The following EDNRA variants were observed in gnomAD, a reference collection of about 807,000 sequenced individuals.
The protein encoded by EDNRA is endothelin-1 receptor.
Under a neutral mutation model 41.4 loss-of-function variants are expected in EDNRA, and 11 were observed. The observed-to-expected ratio is 0.27, with a 90% confidence interval of 0.17 to 0.44. The LOEUF is 0.44. EDNRA is among the 20% of genes least tolerant of loss of function. The pLI is 1.00. For synonymous variants in EDNRA, 172 were observed against 183.0 expected (o/e 0.94, Z 0.49); for missense variants, 294 against 531.0 (o/e 0.55, Z 4.39).
Position 147,532,599 on chromosome 4 carries a change from T to C in EDNRA, c.642T>C (p.Phe214=), listed in dbSNP as rs2126474654. 6.2e-7 allele frequency: 1 copy of C among 1,614,194 alleles called. No homozygotes were observed. The highest frequency in any genetic ancestry group is 8.5e-7 in the Non-Finnish European group (1 of 1,180,024). Residue 214 remains phenylalanine (F), a synonymous_variant, in exon 4 of 8, where the codon TTT becomes TTC. Transcript: ENST00000651419. ...TTGTCTCCATCTGGATCCTGTCCTT[T>C]ATCCTGGCCATTCCTGAAGCGATTG... is the stretch of plus-strand genomic sequence containing the variant. The part of the protein sequence containing the change: ...IEIVSIWILS[F]ILAIPEAIGF...
intron 2 of EDNRA, chr4:147,487,840 G>C (rs1356566970): frequency 2.6e-5 from 4 of 152,146 alleles, no homozygotes; most frequent in Non-Finnish European, 1.5e-5. Flanking sequence ...CTTAAAATAG[G>C]AATTTAGAAC....
At chr4:147,483,596 G>A (rs1399509655) in intron 1 of EDNRA, among the ~76,000 whole-genome samples, 2 of 151,990 alleles carry the variant, frequency 1.3e-5, no homozygotes, top group East Asian at 1.9e-4. Context: ...TTTTATCCAC[G>A]TATTGGCCAA....
Position 147,543,090 on chromosome 4 carries a change from T to G in EDNRA, c.*472T>G, listed in dbSNP as rs200797912. The stretch of plus-strand genomic sequence containing the variant: ...CAAACACAATATGGGCTCAAGTCAC[T>G]TTTATTTGAAATGTCATTTGGTGCC... On this transcript the variant is annotated 3_prime_UTR_variant, in exon 8 of 8. Transcript: ENST00000651419. The G allele has an allele frequency of 4.6e-5, 7 of 152,394 alleles. No individual in the cohort carries two copies. Among genetic ancestry groups the G allele is most frequent in the African/African-American group, 1.7e-4 (7 of 41,448 alleles). 9.4% of individuals were successfully genotyped at this position (152,394 alleles called of 1,614,324 possible). A position where few individuals can be genotyped will look rare whatever the true frequency, so the allele number is the denominator to read the frequency against.
intron 2 of EDNRA, chr4:147,489,276 G>T (rs1429096519): frequency 6.6e-6 from 1 of 152,052 alleles, no homozygotes; most frequent in Non-Finnish European, 1.5e-5. Flanking sequence ...AATATACATT[G>T]TACCCACTAT....
intron 7 of EDNRA, among the ~76,000 whole-genome samples, chr4:147,541,868 A>G (rs760739053): frequency 1.2e-4 from 19 of 152,214 alleles, no homozygotes; most frequent in Admixed American, 1.0e-3. Context: ...ATTAATTTAC[A>G]TATTCATTGG....
intron 2 of EDNRA, among the ~76,000 whole-genome samples, chr4:147,499,705 G>A (rs187894145): frequency 2.8e-3 from 411 of 149,438 alleles, no homozygotes; most frequent in Non-Finnish European, 4.5e-3. Context: ...TTATGTTTCA[G>A]TTAAGAAAAA....
chr4:147,528,357 C>CTTTTT (rs755450847), intron 3 of EDNRA, among the ~76,000 whole-genome samples: 5 of 119,466 alleles, frequency 4.2e-5, no homozygotes, highest in Non-Finnish European at 8.5e-5. Context: ...TTCTTGCTTT[C>CTTTTT]TTTTTTTTTT....
chr4:147,535,794 C>A, intron 4 of EDNRA, 83 bp from the exon 5 acceptor site: 2 of 1,541,766 alleles, frequency 1.3e-6, no homozygotes, highest in Admixed American at 1.9e-5. Flanking sequence ...AGTTTAAAGA[C>A]CTTAAAGCTA....
intron 3 of EDNRA, among the ~76,000 whole-genome samples, chr4:147,524,419 G>T (rs182950874): frequency 4.1e-4 from 62 of 151,716 alleles, no homozygotes; most frequent in Non-Finnish European, 1.9e-4. Flanking sequence ...TGAAGAAAAA[G>T]AAATAAGATG....
In EDNRA at chr4:147,519,472, C is replaced by T. The variant is rs923559339; in HGVS notation, c.421-379C>T. ...TTACTACTGTTTGAAAAGTAGGCAG[C>T]GTGACTAGTTGATGTGAGATCAAAG... On this transcript the variant is annotated intron_variant, in intron 2 of 7. Transcript: ENST00000651419. The surrounding 1 kb of genome is among the most constrained non-coding windows in gnomAD (Gnocchi z 4.1). Among the ~76,000 whole-genome samples the T allele has an allele frequency of 1.3e-5, 2 of 151,588 alleles. No individual in the cohort carries two copies. The highest frequency in any genetic ancestry group is 2.1e-4 in the South Asian group (1 of 4,826).
chr4:147,484,815 T>G (rs1281924735), intron 1 of EDNRA, among the ~76,000 whole-genome samples: 1 of 152,240 alleles, frequency 6.6e-6, no homozygotes, highest in Non-Finnish European at 1.5e-5. Context: ...ATTTTACACA[T>G]TAATCATCAA....
intron 4 of EDNRA, among the ~76,000 whole-genome samples, chr4:147,534,791 A>G (rs1308646313): frequency 2.0e-5 from 3 of 152,116 alleles, no homozygotes; most frequent in Non-Finnish European, 4.4e-5. Flanking sequence ...TATGTATTTT[A>G]TTTTATGCAT....
chr4:147,513,127 C>T (rs575178899), intron 2 of EDNRA, among the ~76,000 whole-genome samples: 1 of 152,248 alleles, frequency 6.6e-6, no homozygotes, highest in South Asian at 2.1e-4. Flanking sequence ...CCAAGGAATC[C>T]AGCTTCAGGG....
chr4:147,526,710 C>T (rs546311696), intron 3 of EDNRA, among the ~76,000 whole-genome samples: 22 of 152,270 alleles, frequency 1.4e-4, no homozygotes, highest in Non-Finnish European at 2.8e-4. Context: ...CTTAGGAGGC[C>T]GAAGCAGGAG....
At chr4:147,523,494 T>TG (rs1730409408) in intron 3 of EDNRA, among the ~76,000 whole-genome samples, 5 of 136,160 alleles carry the variant, frequency 3.7e-5, no homozygotes, top group African/African-American at 1.7e-4. Flanking sequence ...TTTTGTTTTT[T>TG]TTGTTTTTTT....
intron 5 of EDNRA, 35 bp from the exon 6 acceptor site, chr4:147,539,782 A>G: frequency 6.3e-7 from 1 of 1,596,962 alleles, no homozygotes; most frequent in Non-Finnish European, 8.5e-7. Flanking sequence ...AAAACACTAA[A>G]TTTGTTGTCC....
intron 2 of EDNRA, chr4:147,491,423 G>A (rs1405570563): frequency 1.3e-5 from 2 of 152,082 alleles, no homozygotes; most frequent in African/African-American, 4.8e-5. Flanking sequence ...AAAATAAATT[G>A]TCACAACTTA....
In EDNRA at chr4:147,542,537, C is replaced by G; in HGVS notation, c.1203C>G (p.Asn401Lys). The change falls in exon 8 of 8, where the codon AAC (asparagine) becomes AAG (lysine). Residue 401 changes from asparagine to lysine, a missense_variant. Asn to Lys is a moderately conservative substitution (Grantham distance 94, BLOSUM62 0). Transcript: ENST00000651419. The stretch of plus-strand genomic sequence containing the variant: ...GTCTGATGACCTCGGTCCCCATGAA[C>G]GGAACAAGCATCCAGTGGAAGAACC... ...SKSLMTSVPM[N>K]GTSIQWKNHD... The G allele has an allele frequency of 1.9e-6, 3 of 1,614,102 alleles. No individual in the cohort carries two copies. The highest frequency in any genetic ancestry group is 2.5e-6 in the Non-Finnish European group (3 of 1,180,016).
At chr4:147,481,409 A>C (rs1728751071) in intron 1 of EDNRA, 33 bp downstream of exon 1, 1 of 152,590 alleles carries the variant, frequency 6.6e-6, no homozygotes, top group Non-Finnish European at 1.5e-5. Context: ...GGGGACTGGG[A>C]CTGGGGCGGG....
Sources: gnomAD v4.1 joint callset for allele counts (sites outside exome capture counted in the v4.1 genomes callset) on GRCh38, gnomAD v4.1.1 for gene constraint, Gnocchi (gnomAD v3.1) non-coding constraint, MANE v1.5 for transcripts, NCBI Gene and HGNC (gene_info 2026-07-23, HGNC 2026-07-21) for gene names.